NKAIN2: variants seen among roughly 807,000 people sequenced by gnomAD.
The protein encoded by NKAIN2 is sodium/potassium transporting ATPase interacting 2.
Under a neutral mutation model 32.6 loss-of-function variants are expected in NKAIN2, and 14 were observed. The observed-to-expected ratio is 0.43, with a 90% CI of 0.28 to 0.67. NKAIN2 has a LOEUF of 0.67. Among genes scored for constraint, NKAIN2 ranks in the 30% least tolerant of loss-of-function variants. The pLI, the probability that NKAIN2 is intolerant of heterozygous loss-of-function variation, is 0.17. For synonymous variants in NKAIN2, 80 were observed against 87.2 expected, an observed-to-expected ratio of 0.92 and a Z score of 0.46; for missense variants, 198 against 258.3, an observed-to-expected ratio of 0.77 and a Z score of 1.60.
chr6:124,090,966 T>C (rs150560444), intron 1 of NKAIN2, among the ~76,000 whole-genome samples: 8 of 152,096 alleles, frequency 5.3e-5, no homozygotes, highest in Admixed American at 5.3e-4. Context: ...GATAAACATT[T>C]TTAAGTTTTT....
chr6:124,466,760 A>G (rs1776775453), intron 3 of NKAIN2, among the ~76,000 whole-genome samples: 1 of 152,060 alleles, frequency 6.6e-6, no homozygotes, highest in African/African-American at 2.4e-5. Flanking sequence ...GAAAAAAAAA[A>G]AAAGAAATCA....
At chr6:124,243,477 A>G (rs1036268379) in intron 1 of NKAIN2, among the ~76,000 whole-genome samples, 2 of 151,948 alleles carry the variant, frequency 1.3e-5, no homozygotes, top group African/African-American at 4.8e-5. Flanking sequence ...CCTGGGTGAC[A>G]GAACAAGACC....
intron 1 of NKAIN2, among the ~76,000 whole-genome samples, chr6:123,997,525 A>G (rs1779671704): frequency 6.6e-6 from 1 of 152,076 alleles, no homozygotes; most frequent in Admixed American, 6.6e-5. Context: ...GGAACAAGAA[A>G]GGACGTGGCA....
intron 3 of NKAIN2, among the ~76,000 whole-genome samples, chr6:124,563,120 G>T (rs1256859988): frequency 2.0e-5 from 3 of 151,510 alleles, no homozygotes; most frequent in African/African-American, 7.3e-5. Context: ...TGGCCAGGCT[G>T]GTCTCAAACT....
chr6:123,835,509 T>C (rs1774580481), intron 1 of NKAIN2, among the ~76,000 whole-genome samples: 1 of 152,232 alleles, frequency 6.6e-6, no homozygotes, highest in African/African-American at 2.4e-5. Flanking sequence ...CTTGTTTTGT[T>C]CTTTTTCATA....
At chr6:124,791,199 T>C (rs1235547639) in intron 4 of NKAIN2, 140 bp from the exon 5 acceptor site, 1 of 527,006 alleles carries the variant, frequency 1.9e-6, no homozygotes, top group Non-Finnish European at 3.6e-6. Flanking sequence ...CACACTGAAG[T>C]CAAGGTCCAG....
At chr6:124,003,544 G>A (rs867384725) in intron 1 of NKAIN2, among the ~76,000 whole-genome samples, 1 of 152,126 alleles carries the variant, frequency 6.6e-6, no homozygotes, top group African/African-American at 2.4e-5. Context: ...TATGTGTCTG[G>A]TACTGTTTTA....
chr6:124,449,618 A>G (rs1776021672), intron 3 of NKAIN2, among the ~76,000 whole-genome samples: 1 of 152,068 alleles, frequency 6.6e-6, no homozygotes, highest in Admixed American at 6.6e-5. Flanking sequence ...CTTGTAATTA[A>G]TCCTTCAGTT....
intron 4 of NKAIN2, among the ~76,000 whole-genome samples, chr6:124,763,020 G>A (rs1562369750): frequency 6.6e-6 from 1 of 152,158 alleles, no homozygotes; most frequent in Non-Finnish European, 1.5e-5. Flanking sequence ...TAAACCTGGA[G>A]AACATTATGC....
intron 3 of NKAIN2, among the ~76,000 whole-genome samples, chr6:124,610,863 CA>C (rs926673513): frequency 5.9e-5 from 9 of 152,040 alleles, no homozygotes; most frequent in Admixed American, 4.6e-4. Context: ...ACTTGACCAC[CA>C]ATATATTATT....
chr6:123,820,911 A>T (rs1213486357), intron 1 of NKAIN2, among the ~76,000 whole-genome samples: 2 of 152,196 alleles, frequency 1.3e-5, no homozygotes, highest in East Asian at 3.9e-4. Context: ...AAGACATGTC[A>T]AGTTAAAATT....
intron 4 of NKAIN2, among the ~76,000 whole-genome samples, chr6:124,750,846 C>T (rs1307155562): frequency 6.6e-6 from 1 of 151,966 alleles, no homozygotes; most frequent in Non-Finnish European, 1.5e-5. Context: ...TTTAACTTTG[C>T]ACCATTCTTG....
At chr6:123,809,637 T>C (rs1202164769) in intron 1 of NKAIN2, among the ~76,000 whole-genome samples, 3 of 152,156 alleles carry the variant, frequency 2.0e-5, no homozygotes, top group African/African-American at 7.2e-5. Flanking sequence ...TGTTAAAAAA[T>C]ACTTCAGTTG....
In NKAIN2 at chr6:124,046,739, C is replaced by A. The variant is rs550416716; in HGVS notation, c.55-236266C>A. ...GGGTCTTCTCCATCTGATGAGTGGG[C>A]TCTACATCTGATCTCTGACATGCTT... On this transcript the variant is annotated intron_variant, in intron 1 of 6. Coordinates refer to ENST00000368417, the MANE Select transcript of NKAIN2 (RefSeq NM_001040214.3). Among the ~76,000 whole-genome samples, 7 of 152,034 alleles carry A rather than the reference C, an allele frequency of 4.6e-5. No individual in the cohort carries two copies. The East Asian group carries it at 1.4e-3, about 30-fold the overall frequency.
chr6:124,204,752 A>G (rs17556339), intron 1 of NKAIN2, among the ~76,000 whole-genome samples: 13,433 of 151,726 alleles, frequency 0.089, 643 homozygotes, highest in Non-Finnish European at 0.11. Context: ...TCTCTTGGAC[A>G]TGGATGAACT....
chr6:124,272,365 C>G (rs141953899), intron 1 of NKAIN2, among the ~76,000 whole-genome samples: 337 of 152,276 alleles, frequency 2.2e-3, no homozygotes, highest in African/African-American at 7.7e-3. Flanking sequence ...AAGGGACCAA[C>G]GTACAGCTCA....
intron 1 of NKAIN2, among the ~76,000 whole-genome samples, chr6:124,017,247 C>T (rs150608741): frequency 1.3e-5 from 2 of 152,134 alleles, no homozygotes; most frequent in African/African-American, 2.4e-5. Flanking sequence ...GACCCGCCCC[C>T]GTGATTTAAT....
intron 1 of NKAIN2, among the ~76,000 whole-genome samples, chr6:124,081,142 AC>A (rs979941498): frequency 2.6e-5 from 4 of 152,088 alleles, no homozygotes; most frequent in African/African-American, 4.8e-5. Flanking sequence ...TTTACTTGGA[AC>A]TTTTAAAGAT....
At chr6:124,773,535 G>A (rs894579133) in intron 4 of NKAIN2, among the ~76,000 whole-genome samples, 2 of 152,080 alleles carry the variant, frequency 1.3e-5, no homozygotes, top group African/African-American at 2.4e-5. Flanking sequence ...AGGCTGGATA[G>A]CAATGGAGGT....
Sources: gnomAD v4.1 joint callset for allele counts (sites outside exome capture counted in the v4.1 genomes callset) on GRCh38, gnomAD v4.1.1 for gene constraint, MANE v1.5 for transcripts, NCBI Gene and HGNC (gene_info 2026-07-23, HGNC 2026-07-21) for gene names.